Variants in PKD2 observed in about 807,000 individuals in gnomAD.
PKD2 encodes the protein polycystin 2, transient receptor potential cation channel.
Under a neutral mutation model 105.9 loss-of-function variants are expected in PKD2, and 48 were observed. The ratio of observed to expected loss-of-function variants is 0.45; its 90% CI spans 0.36 to 0.58. The LOEUF (loss-of-function observed/expected upper bound fraction) is 0.58, where lower values mean the gene tolerates loss of function less well. Among genes scored for constraint, PKD2 ranks in the 20% least tolerant of loss-of-function variants. The probability of loss-of-function intolerance (pLI) is 0.00; values close to 1 mark genes in which losing one functional copy is unlikely to be tolerated. For missense variants in PKD2, 1,078 were observed against 1,255.3 expected, an observed-to-expected ratio of 0.86 and a Z score of 2.13; for synonymous variants, 464 against 481.1, an observed-to-expected ratio of 0.96 and a Z score of 0.46.
chr4:88,060,677 G>T (rs1003878068), intron 9 of PKD2, among the ~76,000 whole-genome samples: 5 of 151,874 alleles, frequency 3.3e-5, no homozygotes, highest in Non-Finnish European at 5.9e-5. Context: ...AAAAGTTGGT[G>T]GGGGGGAACC....
intron 10 of PKD2, among the ~76,000 whole-genome samples, chr4:88,063,446 G>A (rs143131646): frequency 0.012 from 1,890 of 151,928 alleles, 44 homozygotes; most frequent in South Asian, 0.098. Flanking sequence ...CAGGAGAATC[G>A]CTTGCACCTA....
At chr4:88,034,824 G>T (rs900661106) in intron 2 of PKD2, among the ~76,000 whole-genome samples, 1 of 152,116 alleles carries the variant, frequency 6.6e-6, no homozygotes, top group African/African-American at 2.4e-5. Context: ...CGGGTATTCA[G>T]AACTGTGGTT....
At chr4:88,026,121 G>A (rs1726950737) in intron 2 of PKD2, among the ~76,000 whole-genome samples, 1 of 152,180 alleles carries the variant, frequency 6.6e-6, no homozygotes, top group South Asian at 2.1e-4. Context: ...GTAACAGGCA[G>A]CAATTGGAAC....
intron 4 of PKD2, among the ~76,000 whole-genome samples, chr4:88,041,995 C>G (rs1727582362): frequency 6.6e-6 from 1 of 152,224 alleles, no homozygotes; most frequent in African/African-American, 2.4e-5. Flanking sequence ...TTCACAGACT[C>G]CTTCATGTTT....
intron 4 of PKD2, among the ~76,000 whole-genome samples, chr4:88,042,430 T>C (rs1424420881): frequency 6.6e-6 from 1 of 152,170 alleles, no homozygotes. Context: ...CAACAAAACA[T>C]GGGAATTGTG....
Position 88,075,723 on chromosome 4 carries a change from A to G in PKD2, c.*29A>G, listed in dbSNP as rs1721209077. On this transcript the variant is annotated 3_prime_UTR_variant, in exon 15 of 15. Transcript: ENST00000237596. ...GTGTGTTTCAGTATGTGTGTTTCTA[A>G]TAAGTGAGGAAGTGGCTGTCCTGAA... 6.6e-7 allele frequency: 1 copy of G among 1,513,602 alleles called. No homozygotes were observed. The highest frequency in any genetic ancestry group is 1.1e-5 in the South Asian group (1 of 89,132). The allele number at this position is 1,513,602 out of a possible 1,614,324, so 93.8% of individuals were successfully genotyped here.
rs529204090 is a variant in PKD2 at position 88,047,311 on chromosome 4, C to A, written c.1548+441C>A. On this transcript the variant is annotated intron_variant, in intron 6 of 14. Coordinates refer to ENST00000237596, the MANE Select transcript of PKD2 (RefSeq NM_000297.4). ...GTAGCTCATGCCTGTAATCCCAGCA[C>A]TTGGGGAGGCCAAGGCAGGAGGATC... Among the ~76,000 whole-genome samples the A allele has an allele frequency of 5.2e-3, 798 of 152,004 alleles. 5 individuals carry two copies. Among genetic ancestry groups the A allele is most frequent in the Non-Finnish European group, 8.2e-3 (556 of 68,004 alleles).
Position 88,021,852 on chromosome 4 carries a change from A to G in PKD2, c.709+2281A>G, listed in dbSNP as rs142560499. Among the ~76,000 whole-genome samples, 344 of 152,322 alleles carry G rather than the reference A, an allele frequency of 2.3e-3. 3 individuals carry two copies. The highest frequency in any genetic ancestry group is 7.9e-3 in the African/African-American group (330 of 41,568). ...GGAGACAAATACCTAATCTCCTCTA[A>G]GCCTTCTCCAGGTTAAGCCTTTCCA... On this transcript the variant is annotated intron_variant, in intron 2 of 14. Transcript: ENST00000237596.
intron 5 of PKD2, among the ~76,000 whole-genome samples, chr4:88,044,851 A>G (rs1727709942): frequency 1.3e-5 from 2 of 152,214 alleles, no homozygotes; most frequent in South Asian, 4.1e-4. Flanking sequence ...AGATTTTCAC[A>G]TTAGAAATAC....
intron 2 of PKD2, among the ~76,000 whole-genome samples, chr4:88,031,126 C>T (rs567678158): frequency 6.6e-6 from 1 of 152,294 alleles, no homozygotes; most frequent in South Asian, 2.1e-4. Context: ...CCCAGTCAGC[C>T]ATGTGATTAT....
chr4:88,075,107 C>A, intron 14 of PKD2, 148 bp downstream of exon 14: 2 of 854,292 alleles, frequency 2.3e-6, no homozygotes, highest in Non-Finnish European at 3.7e-6. Context: ...CATTTACTCT[C>A]ATTTTCAGAT....
At chr4:88,052,215 A>G in intron 7 of PKD2, 57 bp downstream of exon 7, 1 of 1,107,018 alleles carries the variant, frequency 9.0e-7, no homozygotes, top group Non-Finnish European at 1.4e-6. Flanking sequence ...AAAAAAAATG[A>G]GTTCCACAAA....
chr4:88,063,876 T>C lies in PKD2; in HGVS notation c.2119-1498T>C, dbSNP rs1420738409. On this transcript the variant is annotated intron_variant, in intron 10 of 14. Coordinates refer to ENST00000237596, the MANE Select transcript of PKD2 (RefSeq NM_000297.4). ...AGTACAAAAGAAAAAATGTTGGGGC[T>C]GGACATGGTGGCTTACTCCTGTAAT... Among the ~76,000 whole-genome samples the C allele has an allele frequency of 2.0e-5, 3 of 150,482 alleles. No homozygotes were observed. The East Asian group carries it at 5.8e-4, about 29-fold the overall frequency.
At chr4:88,029,899 C>A (rs1234131549) in intron 2 of PKD2, among the ~76,000 whole-genome samples, 1 of 152,192 alleles carries the variant, frequency 6.6e-6, no homozygotes, top group Non-Finnish European at 1.5e-5. Context: ...TCCTGGAGAG[C>A]AGATCATCAA....
intron 13 of PKD2, among the ~76,000 whole-genome samples, chr4:88,070,506 GTTC>G (rs1720969688): frequency 6.7e-6 from 1 of 148,412 alleles, no homozygotes; most frequent in African/African-American, 2.5e-5. Context: ...TCACTGACTT[GTTC>G]TTCTGTCAGC....
At chr4:88,074,029 T>G (rs548931351) in intron 13 of PKD2, among the ~76,000 whole-genome samples, 2 of 152,350 alleles carry the variant, frequency 1.3e-5, no homozygotes, top group African/African-American at 4.8e-5. Context: ...GTAAATCTAA[T>G]TCTATTTTAT....
intron 1 of PKD2, among the ~76,000 whole-genome samples, chr4:88,010,161 C>T (rs1726337342): frequency 6.6e-6 from 1 of 151,330 alleles, no homozygotes; most frequent in South Asian, 2.1e-4. Context: ...GGGAAGCAAA[C>T]GTAGCTCACT....
chr4:88,025,578 C>T (rs1726927264), intron 2 of PKD2, among the ~76,000 whole-genome samples: 1 of 149,708 alleles, frequency 6.7e-6, no homozygotes, highest in Non-Finnish European at 1.5e-5. Context: ...CATGCCACTG[C>T]ACTCCAGCCT....
rs199556925 is a variant in PKD2 at position 88,054,980 on chromosome 4, C to T, written c.1717-1106C>T. Among the ~76,000 whole-genome samples the T allele has an allele frequency of 3.9e-5, 6 of 152,294 alleles. No homozygotes were observed. In the South Asian group the frequency reaches 1.0e-3, roughly 26 times the overall value. On this transcript the variant is annotated intron_variant, in intron 7 of 14. Transcript: ENST00000237596. ...CATGACTCTACTTCTAATATCTCAT[C>T]ATGTGCTCTTCCACTGAGGCTTCTA...
Sources: allele counts gnomAD v4.1 joint callset (sites outside exome capture counted in the v4.1 genomes callset), GRCh38; gene constraint gnomAD v4.1.1; transcripts MANE v1.5; gene names NCBI Gene and HGNC (gene_info 2026-07-23, HGNC 2026-07-21).